The following PRR5 variants were observed in gnomAD, a reference collection of about 807,000 sequenced individuals.
PRR5 encodes proline-rich protein 5.
Under a neutral mutation model 30.6 loss-of-function variants are expected in PRR5, and 25 were observed. That is an observed-to-expected ratio of 0.82 (90% CI 0.60 to 1.14). The LOEUF is 1.14. Ranked by LOEUF, PRR5 falls within the 50% of genes most tolerant of loss-of-function variation. The pLI, the probability that PRR5 is intolerant of heterozygous loss-of-function variation, is 0.00. For missense variants in PRR5, 600 were observed against 547.1 expected (o/e 1.10, Z -0.96); for synonymous variants, 286 against 247.1 (o/e 1.16, Z -1.48).
rs181211983 is a variant in PRR5, at chr22:44,729,951, G to C, written c.323-1779G>C. 1.9e-5 allele frequency: 19 copies of C among 985,434 alleles called. No homozygotes were observed. The East Asian group carries it at 2.2e-3, about 112-fold the overall frequency. The allele number at this position is 985,434 out of a possible 1,614,324, so 61.0% of individuals were successfully genotyped here. A position where few individuals can be genotyped will look rare whatever the true frequency, so the allele number is the denominator to read the frequency against. Reference sequence around the variant, plus strand: ...ACTTTGTGTGTGGGCACAGTTCGGCGGGGCGGTGAGCATCCATCCGTCCGG... The same window carrying C: ...ACTTTGTGTGTGGGCACAGTTCGGCCGGGCGGTGAGCATCCATCCGTCCGG... On this transcript the variant is annotated intron_variant, in intron 4 of 7. Coordinates refer to ENST00000336985, the MANE Select transcript of PRR5 (RefSeq NM_181333.4).
intron 1 of PRR5, among the ~76,000 whole-genome samples, chr22:44,694,077 T>G (rs182427139): frequency 3.9e-5 from 6 of 152,290 alleles, no homozygotes; most frequent in Admixed American, 3.3e-4. Flanking sequence ...CTTCAGTGTC[T>G]TTGGAGGACA....
At chr22:44,731,436 C>T (rs1602089535) in intron 4 of PRR5, 1 of 499,302 alleles carries the variant, frequency 2.0e-6, no homozygotes, top group Non-Finnish European at 3.6e-6. Context: ...TGTCATCTGC[C>T]AGGAGCAGAC....
upstream of PRR5, among the ~76,000 whole-genome samples, chr22:44,674,651 G>A (rs1923615935): frequency 6.6e-6 from 1 of 151,804 alleles, no homozygotes; most frequent in African/African-American, 2.4e-5. Flanking sequence ...AACCCGGGAG[G>A]CGGAGGTTGC....
At chr22:44,699,735 A>G (rs1202027368), upstream of PRR5, among the ~76,000 whole-genome samples, 2 of 152,168 alleles carry the variant, frequency 1.3e-5, no homozygotes, top group East Asian at 3.9e-4. Flanking sequence ...TTGAGAGTGA[A>G]GGCGGTCAGA....
At chr22:44,692,264 GGCTCCTCCTCCCAC>G (rs1031902425) in intron 1 of PRR5, among the ~76,000 whole-genome samples, 15 of 129,744 alleles carry the variant, frequency 1.2e-4, no homozygotes, top group African/African-American at 4.2e-4. Context: ...CTCCTCCCGG[GGCTCCTCCTCCCAC>G]GCTCCTCCAC....
intron 1 of PRR5, among the ~76,000 whole-genome samples, chr22:44,679,058 C>G (rs1173260577): frequency 6.6e-6 from 1 of 152,122 alleles, no homozygotes; most frequent in African/African-American, 2.4e-5. Context: ...GCACTGGCCT[C>G]CAGGTCTGAG....
intron 1 of PRR5, among the ~76,000 whole-genome samples, chr22:44,680,519 C>T (rs1444196760): frequency 1.3e-5 from 2 of 152,180 alleles, no homozygotes; most frequent in Non-Finnish European, 2.9e-5. Flanking sequence ...GTGGGCATCC[C>T]AGAGCCGCAG....
intron 1 of PRR5, among the ~76,000 whole-genome samples, chr22:44,712,261 T>C (rs1248360032): frequency 1.3e-5 from 2 of 152,154 alleles, no homozygotes; most frequent in African/African-American, 4.8e-5. Context: ...GGGATACGTA[T>C]CTGGCGTGAT....
At position 44,736,913 on chromosome 22, in the gene PRR5, T is replaced by C. The variant is rs746141969; in HGVS notation, c.833T>C (p.Ile278Thr). 6.2e-7 allele frequency: 1 copy of C among 1,608,398 alleles called. No homozygotes were observed. The highest frequency in any genetic ancestry group is 1.7e-5 in the Admixed American group (1 of 59,964). ...AEGAAAGGTSIRRHSVSEMTS... is the reference protein window; with the variant it reads ...AEGAAAGGTSTRRHSVSEMTS... ...GGCGCGGCGGCCGGCGGTACCAGCATCCGCAGGCACTCTGTGTCGGAGATG... is the reference window on the plus strand; with the variant it reads ...GGCGCGGCGGCCGGCGGTACCAGCACCCGCAGGCACTCTGTGTCGGAGATG... Residue 278 changes from isoleucine to threonine, a missense_variant, in exon 8 of 8, where the codon ATC (isoleucine) becomes ACC (threonine). Coordinates refer to ENST00000336985, the MANE Select transcript of PRR5 (RefSeq NM_181333.4).
At chr22:44,706,922 C>T (rs1364682700) in intron 1 of PRR5, among the ~76,000 whole-genome samples, 1 of 152,212 alleles carries the variant, frequency 6.6e-6, no homozygotes, top group East Asian at 1.9e-4. Context: ...AGCTTGTTTC[C>T]TGAGTGCCCA....
At chr22:44,699,852 G>A (rs545670338), upstream of PRR5, among the ~76,000 whole-genome samples, 6 of 152,306 alleles carry the variant, frequency 3.9e-5, no homozygotes, top group East Asian at 9.6e-4. Flanking sequence ...AAGGATCTGG[G>A]CTTTATCCTC....
intron 4 of PRR5, chr22:44,730,469 C>T (rs575980875): frequency 2.2e-4 from 217 of 988,780 alleles, no homozygotes; most frequent in Non-Finnish European, 2.5e-4. Context: ...TTGCCTCTCC[C>T]ACTGGAACCC....
chr22:44,726,487 A>C, intron 3 of PRR5, 90 bp from the exon 4 acceptor site: 1 of 1,590,800 alleles, frequency 6.3e-7, no homozygotes, highest in Non-Finnish European at 8.6e-7. Flanking sequence ...TTGGCTGCTC[A>C]CTGGTGGATG....
At chr22:44,672,580 C>T (rs924226224), upstream of PRR5, among the ~76,000 whole-genome samples, 7 of 152,200 alleles carry the variant, frequency 4.6e-5, no homozygotes, top group Admixed American at 1.3e-4. Flanking sequence ...AGCGAGACAC[C>T]GTCTCTAAAT....
chr22:44,677,794 AT>A (rs1386669642), intron 1 of PRR5, among the ~76,000 whole-genome samples: 1 of 152,160 alleles, frequency 6.6e-6, no homozygotes, highest in East Asian at 1.9e-4. Flanking sequence ...TCGGTCTCTA[AT>A]TTGTGAATTC....
intron 1 of PRR5, among the ~76,000 whole-genome samples, chr22:44,704,901 A>C (rs1926937546): frequency 6.6e-6 from 1 of 152,182 alleles, no homozygotes; most frequent in South Asian, 2.1e-4. Flanking sequence ...AACTGCAGGG[A>C]GCAGGGCACC....
At chr22:44,729,776 A>G in intron 4 of PRR5, 4 of 985,378 alleles carry the variant, frequency 4.1e-6, no homozygotes, top group South Asian at 4.7e-5. Flanking sequence ...GTTTTACAAC[A>G]TCTGCTTTCC....
At chr22:44,696,374 G>T (rs1371863073) in intron 1 of PRR5, among the ~76,000 whole-genome samples, 1 of 152,136 alleles carries the variant, frequency 6.6e-6, no homozygotes, top group South Asian at 2.1e-4. Context: ...CTAGAATCAG[G>T]TTATAAAACA....
At chr22:44,717,014 C>T (rs1243763644) in intron 2 of PRR5, among the ~76,000 whole-genome samples, 1 of 152,094 alleles carries the variant, frequency 6.6e-6, no homozygotes, top group Non-Finnish European at 1.5e-5. Context: ...TGTGTCAAGA[C>T]TGTGTCACTG....
Sources: allele counts gnomAD v4.1 joint callset (sites outside exome capture counted in the v4.1 genomes callset), GRCh38; gene constraint gnomAD v4.1.1; transcripts MANE v1.5; gene names NCBI Gene and HGNC (gene_info 2026-07-23, HGNC 2026-07-21).